The following LLGL2 variants were observed in gnomAD, a reference collection of about 807,000 sequenced individuals.
The protein encoded by LLGL2 is LLGL2, scribble cell polarity complex component.
Under a neutral mutation model 123.2 loss-of-function variants are expected in LLGL2, and 81 were observed. The observed-to-expected ratio is 0.66, with a 90% CI of 0.55 to 0.79. The LOEUF (loss-of-function observed/expected upper bound fraction) is 0.79, where lower values mean the gene tolerates loss of function less well. Ranked by LOEUF, LLGL2 falls within the 30% of genes least tolerant of loss-of-function variation. The pLI is 0.00. For missense variants in LLGL2, 1,273 were observed against 1,414.6 expected, an observed-to-expected ratio of 0.90 and a Z score of 1.61; for synonymous variants, 577 against 594.1, an observed-to-expected ratio of 0.97 and a Z score of 0.42.
chr17:75,539,986 G>A (rs2054147815), intron 1 of LLGL2, among the ~76,000 whole-genome samples: 1 of 152,148 alleles, frequency 6.6e-6, no homozygotes, highest in Non-Finnish European at 1.5e-5. Context: ...CCTTTCCTAG[G>A]ACAGTGTCTG....
intron 10 of LLGL2, among the ~76,000 whole-genome samples, chr17:75,565,430 C>T (rs1232635202): frequency 6.6e-6 from 1 of 152,220 alleles, no homozygotes; most frequent in East Asian, 1.9e-4. Context: ...CTACCCTGTT[C>T]AGGGGAACCC....
chr17:75,563,270 C>T (rs1183785156), intron 7 of LLGL2, 61 bp from the exon 8 acceptor site: 9 of 1,602,612 alleles, frequency 5.6e-6, no homozygotes, highest in South Asian at 1.1e-5. Flanking sequence ...GGGGTGCAGG[C>T]GATGGGAACG....
rs942998468 is a variant in LLGL2 at position 75,559,177 on chromosome 17, G to A, written c.372-75G>A. 9 of 1,442,756 alleles carry A rather than the reference G, an allele frequency of 6.2e-6. No homozygotes were observed. The African/African-American group carries it at 1.0e-4, about 16-fold the overall frequency. 89.4% of individuals were successfully genotyped at this position (1,442,756 alleles called of 1,614,324 possible). On this transcript the variant is annotated intron_variant, in intron 5 of 25. Coordinates refer to ENST00000392550, the MANE Select transcript of LLGL2 (RefSeq NM_001031803.2). The surrounding 1 kb of genome is among the most constrained non-coding windows in gnomAD (Gnocchi z 4.6). Reference sequence around the variant, plus strand: ...GGGCCTTATGGGCTTGTTTTCCGAGGAGTCAGGGGACCCCGTCCATGGCAT... The same window carrying A: ...GGGCCTTATGGGCTTGTTTTCCGAGAAGTCAGGGGACCCCGTCCATGGCAT...
intron 10 of LLGL2, chr17:75,567,942 C>T (rs1208397839): frequency 7.2e-6 from 4 of 552,560 alleles, no homozygotes; most frequent in African/African-American, 2.2e-5. Flanking sequence ...AACCCTGTCT[C>T]GAGAAAAGAA....
chr17:75,528,237 TC>T (rs970147663), intron 1 of LLGL2, among the ~76,000 whole-genome samples: 6 of 152,044 alleles, frequency 3.9e-5, no homozygotes, highest in Non-Finnish European at 7.4e-5. Context: ...TGCCTCGGCC[TC>T]CCGAGTAGCT....
At chr17:75,574,518 T>A (rs1350978499) in intron 24 of LLGL2, 23 bp downstream of exon 24, 2 of 1,571,450 alleles carry the variant, frequency 1.3e-6, no homozygotes, top group African/African-American at 2.7e-5. Context: ...CCAGGCCAGC[T>A]GGGGTGGGCC....
chr17:75,557,956 G>A (rs61683299), intron 3 of LLGL2, 199 bp from the exon 4 acceptor site: 1 of 681,940 alleles, frequency 1.5e-6, no homozygotes, highest in East Asian at 2.8e-5. Context: ...CAGGGATCAG[G>A]TCACTGGCCT....
At chr17:75,541,562 ACTC>A (rs1032885198) in intron 1 of LLGL2, among the ~76,000 whole-genome samples, 25 of 151,658 alleles carry the variant, frequency 1.6e-4, no homozygotes, top group Non-Finnish European at 3.1e-4. Context: ...CTCTGGTCTG[ACTC>A]CTCCAAAATG....
At chr17:75,540,732 C>T (rs1448558774) in intron 1 of LLGL2, among the ~76,000 whole-genome samples, 1 of 152,166 alleles carries the variant, frequency 6.6e-6, no homozygotes, top group Non-Finnish European at 1.5e-5. Context: ...TACTTGGTGA[C>T]CTTGACAGGG....
chr17:75,540,931 G>A (rs543856049), intron 1 of LLGL2, among the ~76,000 whole-genome samples: 1 of 152,330 alleles, frequency 6.6e-6, no homozygotes. Context: ...GGGGTTTAGG[G>A]AGGATTTTCT....
At position 75,558,843 on chromosome 17, in the gene LLGL2, C is replaced by CATG. The variant is rs1568051933; in HGVS notation, c.371+216_371+217insATG. 1.1e-4 allele frequency: 41 copies of CATG among 365,818 alleles called. 1 individual carries two copies. The highest frequency in any genetic ancestry group is 3.6e-4 in the African/African-American group (12 of 33,520). 22.7% of individuals were successfully genotyped at this position (365,818 alleles called of 1,614,324 possible). On this transcript the variant is annotated intron_variant, in intron 5 of 25. Transcript: ENST00000392550. The surrounding 1 kb of genome is among the most constrained non-coding windows in gnomAD (Gnocchi z 4.0). ...CACACCACGCCTCCTCCATCCGCAC[C>CATG]CCACCTCCTCCATCCGCACCCCGCC...
intron 1 of LLGL2, among the ~76,000 whole-genome samples, chr17:75,542,401 G>C (rs1379391021): frequency 7.2e-5 from 11 of 151,994 alleles, no homozygotes; most frequent in Non-Finnish European, 1.0e-4. Flanking sequence ...CCCCCATCCT[G>C]CTGGGAGTGG....
In LLGL2 at chr17:75,529,288, C is replaced by T. The variant is rs1248095532; in HGVS notation, c.-31+3463C>T. On this transcript the variant is annotated intron_variant, in intron 1 of 25. Coordinates refer to ENST00000392550, the MANE Select transcript of LLGL2 (RefSeq NM_001031803.2). ...CTCAGCTCACTGCAACCTCTGCCTC[C>T]CAGGTTCAAGCAGTTCTCCTGCCTC... 2.0e-5 allele frequency among the ~76,000 whole-genome samples: 3 copies of T among 151,874 alleles called. No homozygotes were observed. The East Asian group carries it at 6.0e-4, about 30-fold the overall frequency.
Position 75,569,085 on chromosome 17 carries a change from A to G in LLGL2, c.1430A>G (p.Glu477Gly). The stretch of plus-strand genomic sequence containing the variant: ...TTCCTCACCGACACGGACCCCAACG[A>G]GAACTTCAGTGCCCAGGGCGAGGAC... ...RVFLTDTDPN[E>G]NFSAQGEDEW... Residue 477 changes from glutamate to glycine, a missense_variant, in exon 13 of 26, where the codon GAG becomes GGG. Transcript: ENST00000392550. 6.2e-7 allele frequency: 1 copy of G among 1,613,396 alleles called. No individual in the cohort carries two copies. The highest frequency in any genetic ancestry group is 8.5e-7 in the Non-Finnish European group (1 of 1,179,844).
intron 2 of LLGL2, among the ~76,000 whole-genome samples, chr17:75,551,217 G>A (rs1409427490): frequency 6.6e-6 from 1 of 152,186 alleles, no homozygotes; most frequent in Non-Finnish European, 1.5e-5. Flanking sequence ...AGTGCCCAAG[G>A]TGATACTATG....
At chr17:75,565,442 A>G (rs972704840) in intron 10 of LLGL2, among the ~76,000 whole-genome samples, 3 of 152,188 alleles carry the variant, frequency 2.0e-5, no homozygotes, top group African/African-American at 4.8e-5. Flanking sequence ...GGGGAACCCC[A>G]AACCTGCTTT....
At chr17:75,554,306 A>G (rs1328487180) in intron 2 of LLGL2, among the ~76,000 whole-genome samples, 1 of 48,202 alleles carries the variant, frequency 2.1e-5, no homozygotes, top group Non-Finnish European at 7.6e-5. Context: ...CCGTCTCAAA[A>G]AAAAAAAAAA....
intron 1 of LLGL2, among the ~76,000 whole-genome samples, chr17:75,535,436 G>A (rs1399034544): frequency 1.3e-5 from 2 of 152,226 alleles, no homozygotes; most frequent in African/African-American, 4.8e-5. Flanking sequence ...GAGTCCTGCC[G>A]CTGGGTGTGG....
In LLGL2 at chr17:75,571,957, C is replaced by T; in HGVS notation, c.2353C>T (p.His785Tyr). Residue 785 changes from histidine to tyrosine, a missense_variant, in exon 19 of 26, where the codon CAC (histidine) becomes TAC (tyrosine). Transcript: ENST00000392550. ...GGTGGGCATCCTGGTGCTCGACGGA[C>T]ACAGCGTACCCCTTCCCGAGCCCCT... ...PVVGILVLDG[H>Y]SVPLPEPLEV... 1 of 1,612,834 alleles carries T rather than the reference C, an allele frequency of 6.2e-7. No homozygotes were observed. The highest frequency in any genetic ancestry group is 8.5e-7 in the Non-Finnish European group (1 of 1,179,994).
Sources: gnomAD v4.1 joint callset for allele counts (sites outside exome capture counted in the v4.1 genomes callset) on GRCh38, gnomAD v4.1.1 for gene constraint, Gnocchi (gnomAD v3.1) non-coding constraint, MANE v1.5 for transcripts, NCBI Gene and HGNC (gene_info 2026-07-23, HGNC 2026-07-21) for gene names.